Variants in DSE observed in about 807,000 individuals in gnomAD.
DSE encodes the protein dermatan-sulfate epimerase.
A neutral mutation model predicts 84.4 loss-of-function variants in DSE; 36 were observed. The ratio of observed to expected loss-of-function variants is 0.43; its 90% CI spans 0.33 to 0.56. The LOEUF (loss-of-function observed/expected upper bound fraction) is 0.56. Among genes scored for constraint, DSE ranks in the 20% least tolerant of loss-of-function variants. DSE has a pLI of 0.06. For synonymous variants in DSE, 410 were observed against 430.1 expected, an observed-to-expected ratio of 0.95 and a Z score of 0.58; for missense variants, 862 against 1,169.6, an observed-to-expected ratio of 0.74 and a Z score of 3.84.
intron 2 of DSE, among the ~76,000 whole-genome samples, chr6:116,406,480 T>C (rs1781936651): frequency 6.6e-6 from 1 of 152,262 alleles, no homozygotes; most frequent in Admixed American, 6.5e-5. Flanking sequence ...CATGTATGTC[T>C]GTATTCTCTT....
intron 2 of DSE, among the ~76,000 whole-genome samples, chr6:116,361,926 TATC>T (rs1778919371): frequency 6.6e-6 from 1 of 152,224 alleles, no homozygotes; most frequent in African/African-American, 2.4e-5. Context: ...AGAGCTATTC[TATC>T]ATCCTCCTTC....
intron 2 of DSE, among the ~76,000 whole-genome samples, chr6:116,359,399 AG>A (rs1464339041): frequency 6.6e-6 from 1 of 152,152 alleles, no homozygotes; most frequent in Non-Finnish European, 1.5e-5. Flanking sequence ...AGATTAGAAA[AG>A]GGGGTAATCA....
At chr6:116,371,142 G>C in intron 1 of DSE, 21 bp downstream of exon 1, 5 of 985,880 alleles carry the variant, frequency 5.1e-6, no homozygotes, top group Non-Finnish European at 6.0e-6. Flanking sequence ...GGGCGCGCAA[G>C]GGACGAGCTG....
At chr6:116,426,887 G>C in intron 3 of DSE, 60 bp downstream of exon 3, 1 of 1,549,708 alleles carries the variant, frequency 6.5e-7, no homozygotes, top group East Asian at 2.3e-5. Context: ...TTGCCATGTT[G>C]TGAGCAAAGC....
At chr6:116,434,202 A>G (rs1218784771) in intron 5 of DSE, among the ~76,000 whole-genome samples, 2 of 152,170 alleles carry the variant, frequency 1.3e-5, no homozygotes, top group South Asian at 2.1e-4. Context: ...TCTCCTTTTT[A>G]AAGTATTGCC....
chr6:116,420,922 T>A (rs1249931060), intron 2 of DSE, among the ~76,000 whole-genome samples: 3 of 152,236 alleles, frequency 2.0e-5, no homozygotes, highest in Admixed American at 6.5e-5. Flanking sequence ...GATTGCCAAC[T>A]ATTATACTCC....
At chr6:116,353,317 T>C (rs1193121985) in intron 2 of DSE, among the ~76,000 whole-genome samples, 2 of 152,134 alleles carry the variant, frequency 1.3e-5, no homozygotes, top group Non-Finnish European at 2.9e-5. Context: ...CATGATGGAA[T>C]TGTGCATGTG....
Position 116,437,172 on chromosome 6 carries a change from A to G in DSE, c.2704A>G (p.Arg902Gly), listed in dbSNP as rs757700379. 6.8e-6 allele frequency: 11 copies of G among 1,614,150 alleles called. No homozygotes were observed. The highest frequency in any genetic ancestry group is 6.6e-5 in the South Asian group (6 of 91,084). Residue 902 changes from arginine to glycine, a missense_variant, in exon 6 of 6, where the codon AGG (arginine) becomes GGG (glycine). Physicochemically the swap from Arg to Gly is moderately radical, Grantham distance 125 (BLOSUM62 -2). Coordinates refer to ENST00000644252, the MANE Select transcript of DSE (RefSeq NM_013352.4). ...CCCATCACTGTCTGCTTCCTATACC[A>G]GGTTGTTCCTGATTCTGAACATTGC... ...RAPSLSASYTRLFLILNIAIF... is the reference protein window; with the variant it reads ...RAPSLSASYTGLFLILNIAIF...
At chr6:116,405,355 C>A (rs1184389413) in intron 2 of DSE, among the ~76,000 whole-genome samples, 1 of 152,158 alleles carries the variant, frequency 6.6e-6, no homozygotes, top group Non-Finnish European at 1.5e-5. Flanking sequence ...GTTTTCTTCT[C>A]ATGACCTTAC....
chr6:116,437,208 G>T lies in DSE; in HGVS notation c.2740G>T (p.Val914Phe), dbSNP rs754526724. Residue 914 changes from valine (V) to phenylalanine (F), a missense_variant, in exon 6 of 6, where the codon GTC (valine) becomes TTC (phenylalanine). Transcript: ENST00000644252. Reference protein sequence around the residue: ...FLILNIAIFFVMLAMQLTYFQ... With the variant: ...FLILNIAIFFFMLAMQLTYFQ... ...GATTCTGAACATTGCTATTTTCTTT[G>T]TCATGTTGGCAATGCAACTGACTTA... 6.2e-7 allele frequency: 1 copy of T among 1,613,986 alleles called. No homozygotes were observed. The highest frequency in any genetic ancestry group is 2.2e-5 in the East Asian group (1 of 44,888).
At chr6:116,328,205 A>G (rs969590513) in intron 2 of DSE, among the ~76,000 whole-genome samples, 4 of 152,234 alleles carry the variant, frequency 2.6e-5, no homozygotes, top group Admixed American at 6.5e-5. Flanking sequence ...TACAAGGTAC[A>G]GTCATTTTGG....
chr6:116,332,261 A>G (rs1225977316), intron 2 of DSE, among the ~76,000 whole-genome samples: 1 of 152,196 alleles, frequency 6.6e-6, no homozygotes, highest in Non-Finnish European at 1.5e-5. Context: ...AAGACAAATC[A>G]ATGAATACTT....
chr6:116,423,423 G>A (rs1425505960), intron 2 of DSE, among the ~76,000 whole-genome samples: 1 of 152,184 alleles, frequency 6.6e-6, no homozygotes, highest in Non-Finnish European at 1.5e-5. Context: ...GCTGGAAATT[G>A]TGGTGATGTG....
intron 2 of DSE, among the ~76,000 whole-genome samples, chr6:116,299,044 C>G (rs545956411): frequency 6.6e-6 from 1 of 152,236 alleles, no homozygotes; most frequent in African/African-American, 2.4e-5. Flanking sequence ...AGTTTAGAAA[C>G]AAGTTGAACA....
chr6:116,390,569 T>C (rs1780839934), intron 1 of DSE, among the ~76,000 whole-genome samples: 2 of 152,286 alleles, frequency 1.3e-5, no homozygotes, highest in African/African-American at 2.4e-5. Flanking sequence ...TATTAACTTC[T>C]GAAAATAATA....
intron 4 of DSE, 88 bp downstream of exon 4, chr6:116,431,281 A>G: frequency 1.3e-6 from 2 of 1,495,994 alleles, no homozygotes; most frequent in African/African-American, 1.4e-5. Flanking sequence ...CAGAGAAATT[A>G]GGTCCTTAGA....
intron 2 of DSE, among the ~76,000 whole-genome samples, chr6:116,298,676 A>C (rs1052617213): frequency 7.2e-5 from 11 of 152,324 alleles, no homozygotes; most frequent in Admixed American, 1.3e-4. Context: ...TACGTGTGTG[A>C]TAATGTTTTA....
intron 2 of DSE, among the ~76,000 whole-genome samples, chr6:116,333,567 G>A (rs1170236890): frequency 6.6e-6 from 1 of 152,146 alleles, no homozygotes; most frequent in Non-Finnish European, 1.5e-5. Flanking sequence ...TCAAACCATA[G>A]CATGTCTCAA....
chr6:116,271,569 G>A (rs1174436665), intron 2 of DSE, among the ~76,000 whole-genome samples: 1 of 152,148 alleles, frequency 6.6e-6, no homozygotes, highest in Non-Finnish European at 1.5e-5. Flanking sequence ...AATGACCAGA[G>A]GATGACAGAC....
Sources: gnomAD v4.1 joint callset for allele counts (sites outside exome capture counted in the v4.1 genomes callset) on GRCh38, gnomAD v4.1.1 for gene constraint, MANE v1.5 for transcripts, NCBI Gene and HGNC (gene_info 2026-07-23, HGNC 2026-07-21) for gene names.